The following VPS13B variants were observed in gnomAD, a reference collection of about 807,000 sequenced individuals.
VPS13B encodes intermembrane lipid transfer protein VPS13B.
VPS13B carries 285 observed loss-of-function variants against 426.4 expected under a neutral mutation model. The ratio of observed to expected loss-of-function variants is 0.67; its 90% CI spans 0.61 to 0.74. The LOEUF (loss-of-function observed/expected upper bound fraction) is 0.74, where lower values mean the gene tolerates loss of function less well. VPS13B is among the 30% of genes least tolerant of loss of function. VPS13B has a pLI of 0.00. For synonymous variants in VPS13B, 1,676 were observed against 1,676.4 expected (o/e 1.00, Z 0.01); for missense variants, 4,537 against 4,782.6 (o/e 0.95, Z 1.51).
rs1817690231 is a variant in VPS13B, at chr8:99,876,110, G to A, written c.*444G>A. 1 of 199,396 alleles carries A rather than the reference G, an allele frequency of 5.0e-6. No individual in the cohort carries two copies. Among genetic ancestry groups the A allele is most frequent in the Non-Finnish European group, 1.0e-5 (1 of 96,586 alleles). The allele number at this position is 199,396 out of a possible 1,614,324, so 12.4% of individuals were successfully genotyped here. ...AATTTGGGTCTATTATTAACTCTCT[G>A]TTCCATCATAGAATGTGGCCAGGCC... On this transcript the variant is annotated 3_prime_UTR_variant, in exon 62 of 62. Transcript: ENST00000357162.
chr8:99,681,670 A>C (rs900923829), intron 35 of VPS13B, among the ~76,000 whole-genome samples: 1 of 152,194 alleles, frequency 6.6e-6, no homozygotes, highest in Non-Finnish European at 1.5e-5. Flanking sequence ...CCTGTCTTGA[A>C]AAATAAATAA....
chr8:99,140,664 C>A, intron 12 of VPS13B, among the ~76,000 whole-genome samples: 1 of 137,124 alleles, frequency 7.3e-6, no homozygotes, highest in South Asian at 2.4e-4. Flanking sequence ...TCCCCCTCCT[C>A]CCCGTCCTTC....
At chr8:99,839,674 T>G in intron 54 of VPS13B, among the ~76,000 whole-genome samples, 1 of 152,224 alleles carries the variant, frequency 6.6e-6, no homozygotes, top group Non-Finnish European at 1.5e-5. Flanking sequence ...TCTGAAGTCT[T>G]GCCTTGGCTA....
intron 30 of VPS13B, among the ~76,000 whole-genome samples, chr8:99,522,757 T>A (rs1431149858): frequency 6.6e-6 from 1 of 152,190 alleles, no homozygotes; most frequent in East Asian, 1.9e-4. Flanking sequence ...TAATTTTTCT[T>A]TGAAAGCTCA....
intron 25 of VPS13B, among the ~76,000 whole-genome samples, chr8:99,495,036 A>G (rs886953614): frequency 1.3e-5 from 2 of 152,210 alleles, no homozygotes; most frequent in African/African-American, 2.4e-5. Context: ...AAAGATGTCA[A>G]ATAGTGATTA....
chr8:99,523,255 C>G (rs1254015033), intron 30 of VPS13B, among the ~76,000 whole-genome samples: 2 of 152,192 alleles, frequency 1.3e-5, no homozygotes. Context: ...GGCTCCTGGA[C>G]AGCATCTCTG....
chr8:99,051,546 G>A (rs536773613), intron 3 of VPS13B, among the ~76,000 whole-genome samples: 1 of 152,250 alleles, frequency 6.6e-6, no homozygotes, highest in Non-Finnish European at 1.5e-5. Flanking sequence ...CTTTAAAGTA[G>A]TTTTTTCCAA....
At chr8:99,683,543 A>C (rs1831244204) in intron 35 of VPS13B, among the ~76,000 whole-genome samples, 1 of 152,136 alleles carries the variant, frequency 6.6e-6, no homozygotes, top group Non-Finnish European at 1.5e-5. Context: ...AGCATTTTGT[A>C]GTTTTCAGCA....
At chr8:99,096,037 TAAG>T (rs1441317940) in intron 3 of VPS13B, among the ~76,000 whole-genome samples, 1 of 152,180 alleles carries the variant, frequency 6.6e-6, no homozygotes, top group East Asian at 1.9e-4. Context: ...GAGCCATAAA[TAAG>T]AATTCTTTGG....
intron 19 of VPS13B, among the ~76,000 whole-genome samples, chr8:99,298,927 A>G (rs78360222): frequency 0.02 from 3,110 of 152,304 alleles, 113 homozygotes; most frequent in African/African-American, 0.071. Context: ...AGGTGCTCAG[A>G]AAGCAGCACC....
At chr8:99,852,663 T>G (rs767211558) in intron 55 of VPS13B, among the ~76,000 whole-genome samples, 1 of 152,080 alleles carries the variant, frequency 6.6e-6, no homozygotes, top group Non-Finnish European at 1.5e-5. Flanking sequence ...AGGCTGGGGA[T>G]GGAGGCACAA....
intron 3 of VPS13B, among the ~76,000 whole-genome samples, chr8:99,056,820 A>G (rs1193600120): frequency 6.6e-6 from 1 of 151,964 alleles, no homozygotes; most frequent in Non-Finnish European, 1.5e-5. Flanking sequence ...TCACAGGAAT[A>G]TTTTTACTGT....
intron 31 of VPS13B, among the ~76,000 whole-genome samples, chr8:99,572,948 A>AT (rs1238523310): frequency 1.3e-5 from 2 of 152,154 alleles, no homozygotes; most frequent in African/African-American, 4.8e-5. Context: ...ATTTCTCCAC[A>AT]TCCTCTCCAG....
chr8:99,461,872 G>T (rs1045044386), intron 23 of VPS13B, among the ~76,000 whole-genome samples: 1 of 152,114 alleles, frequency 6.6e-6, no homozygotes, highest in African/African-American at 2.4e-5. Context: ...TCAGTTAATA[G>T]TTGGTTATCT....
chr8:99,025,915 G>A (rs1341315782), intron 2 of VPS13B, among the ~76,000 whole-genome samples: 1 of 152,012 alleles, frequency 6.6e-6, no homozygotes, highest in Non-Finnish European at 1.5e-5. Context: ...CTTAGTCTGT[G>A]TAATAGTTTG....
intron 43 of VPS13B, among the ~76,000 whole-genome samples, chr8:99,799,506 A>G (rs922162814): frequency 2.0e-5 from 3 of 152,204 alleles, no homozygotes; most frequent in African/African-American, 4.8e-5. Context: ...GAAATACTTT[A>G]TTTAACCTTT....
At chr8:99,137,893 ATTGAG>A (rs1810163458) in intron 12 of VPS13B, among the ~76,000 whole-genome samples, 1 of 152,172 alleles carries the variant, frequency 6.6e-6, no homozygotes, top group South Asian at 2.1e-4. Context: ...TTTGTCCAAA[ATTGAG>A]TTATTAATAA....
intron 17 of VPS13B, among the ~76,000 whole-genome samples, chr8:99,246,333 AC>A (rs1180928086): frequency 6.6e-6 from 1 of 152,138 alleles, no homozygotes; most frequent in Non-Finnish European, 1.5e-5. Context: ...TCTAATGTGG[AC>A]CCATGGTTGA....
intron 2 of VPS13B, among the ~76,000 whole-genome samples, chr8:99,030,900 C>A (rs1563494173): frequency 1.3e-5 from 2 of 152,036 alleles, no homozygotes; most frequent in Non-Finnish European, 2.9e-5. Context: ...TTTCATTAAT[C>A]TTTCTTAAAT....
Sources: allele counts gnomAD v4.1 joint callset (sites outside exome capture counted in the v4.1 genomes callset), GRCh38; gene constraint gnomAD v4.1.1; transcripts MANE v1.5; gene names NCBI Gene and HGNC (gene_info 2026-07-23, HGNC 2026-07-21).